F2RL1: variants seen among roughly 807,000 people sequenced by gnomAD.
F2RL1 encodes proteinase-activated receptor 2.
In F2RL1, 16 loss-of-function variants were observed where a neutral mutation model predicts 21.7. The observed-to-expected ratio is 0.74, with a 90% confidence interval of 0.50 to 1.12. The LOEUF is 1.12. F2RL1 is among the 50% of genes most tolerant of loss of function. F2RL1 has a pLI of 0.00. For synonymous variants in F2RL1, 181 were observed against 186.7 expected (o/e 0.97, Z 0.25); for missense variants, 432 against 477.8 (o/e 0.90, Z 0.89).
rs1183362931 is a variant in F2RL1, at chr5:76,825,978, A to G, written c.83-6712A>G. On this transcript the variant is annotated intron_variant, in intron 1 of 1. Coordinates refer to ENST00000296677, the MANE Select transcript of F2RL1 (RefSeq NM_005242.6). Reference sequence around the variant, plus strand: ...TATGTGAGCTTTCCTGACTTGGTACATGCTTATTTTTATGGAGAATTTTAA... The same window carrying G: ...TATGTGAGCTTTCCTGACTTGGTACGTGCTTATTTTTATGGAGAATTTTAA... Among the ~76,000 whole-genome samples the G allele has an allele frequency of 2.6e-5, 4 of 152,248 alleles. No homozygotes were observed. The East Asian group carries it at 7.7e-4, about 29-fold the overall frequency.
At chr5:76,828,407 A>G (rs1046950532) in intron 1 of F2RL1, among the ~76,000 whole-genome samples, 11 of 152,174 alleles carry the variant, frequency 7.2e-5, no homozygotes, top group African/African-American at 2.7e-4. Flanking sequence ...TTTCAAATAT[A>G]AACATAATGC....
At chr5:76,826,812 A>G (rs1474647360) in intron 1 of F2RL1, among the ~76,000 whole-genome samples, 1 of 151,846 alleles carries the variant, frequency 6.6e-6, no homozygotes, top group South Asian at 2.1e-4. Context: ...CATTGTATGG[A>G]TATACTGCTT....
At chr5:76,821,690 C>T (rs1750139558) in intron 1 of F2RL1, among the ~76,000 whole-genome samples, 1 of 151,108 alleles carries the variant, frequency 6.6e-6, no homozygotes, top group South Asian at 2.1e-4. Flanking sequence ...AGGAAGTCTC[C>T]TGCTGCAGCC....
chr5:76,829,356 C>A (rs1395484990), intron 1 of F2RL1, among the ~76,000 whole-genome samples: 1 of 151,542 alleles, frequency 6.6e-6, no homozygotes, highest in Non-Finnish European at 1.5e-5. Context: ...TTTGGCCTCT[C>A]AAAGTGCTGG....
At chr5:76,825,896 C>A (rs760228608) in intron 1 of F2RL1, among the ~76,000 whole-genome samples, 6 of 152,128 alleles carry the variant, frequency 3.9e-5, no homozygotes, top group Non-Finnish European at 8.8e-5. Context: ...CCATTCCTTG[C>A]TCCTTTTTTG....
intron 1 of F2RL1, among the ~76,000 whole-genome samples, chr5:76,822,754 GA>G (rs1205075199): frequency 2.0e-5 from 3 of 151,998 alleles, no homozygotes; most frequent in Admixed American, 2.0e-4. Context: ...CCCCACAATT[GA>G]AACCTTTATT....
rs183269116 is a variant in F2RL1, at chr5:76,825,199, G to A, written c.82+5935G>A. ...TTTTGTATTTTTTAGTAGAGATTGG[G>A]TTTCACCATGTTGGTCAGGATGGTC... is the stretch of plus-strand genomic sequence containing the variant. On this transcript the variant is annotated intron_variant, in intron 1 of 1. Coordinates refer to ENST00000296677, the MANE Select transcript of F2RL1 (RefSeq NM_005242.6). Among the ~76,000 whole-genome samples the A allele has an allele frequency of 2.0e-5, 3 of 151,890 alleles. No individual in the cohort carries two copies. The East Asian group carries it at 5.8e-4, about 29-fold the overall frequency.
At chr5:76,823,337 C>T (rs1208150299) in intron 1 of F2RL1, among the ~76,000 whole-genome samples, 1 of 150,026 alleles carries the variant, frequency 6.7e-6, no homozygotes, top group Non-Finnish European at 1.5e-5. Context: ...AATCTCAGCA[C>T]AACTTCTCGG....
In F2RL1 at chr5:76,831,834, A is replaced by C. The variant is rs576119333; in HGVS notation, c.83-856A>C. On this transcript the variant is annotated intron_variant, in intron 1 of 1. Coordinates refer to ENST00000296677, the MANE Select transcript of F2RL1 (RefSeq NM_005242.6). ...TGAGCCACCATGCCCAGCCAAACCA[A>C]ATTTTACTAATTGATAAATCAAAGG... Among the ~76,000 whole-genome samples, 4 of 152,044 alleles carry C rather than the reference A, an allele frequency of 2.6e-5. No homozygotes were observed. The South Asian group carries it at 8.3e-4, about 32-fold the overall frequency.
In F2RL1 at chr5:76,833,233, T is replaced by C. The variant is rs1345079084; in HGVS notation, c.626T>C (p.Leu209Ser). ...WLLILLVTIP[L>S]YVVKQTIFIP... ...CTGATTCTGCTGGTCACCATTCCTT[T>C]GTATGTCGTGAAGCAGACCATCTTC... Residue 209 changes from leucine to serine, a missense_variant, in exon 2 of 2, where the codon TTG (leucine) becomes TCG (serine). Physicochemically the swap from Leu to Ser is moderately radical, Grantham distance 145. Transcript: ENST00000296677. 6.2e-7 allele frequency: 1 copy of C among 1,613,826 alleles called. No individual in the cohort carries two copies. The highest frequency in any genetic ancestry group is 1.1e-5 in the South Asian group (1 of 91,064).
chr5:76,821,736 C>G (rs1005378525), intron 1 of F2RL1, among the ~76,000 whole-genome samples: 18 of 148,140 alleles, frequency 1.2e-4, no homozygotes, highest in Admixed American at 4.0e-4. Context: ...CGCACCACCA[C>G]CCCCAGCTAA....
intron 1 of F2RL1, among the ~76,000 whole-genome samples, chr5:76,820,977 GA>G (rs1750121725): frequency 6.6e-6 from 1 of 152,172 alleles, no homozygotes; most frequent in Non-Finnish European, 1.5e-5. Flanking sequence ...ATTTTAATAA[GA>G]AATACAGTGT....
intron 1 of F2RL1, among the ~76,000 whole-genome samples, chr5:76,827,325 CAAAAAAAAA>C (rs764040748): frequency 9.8e-4 from 86 of 87,566 alleles, no homozygotes; most frequent in Admixed American, 3.3e-3. Context: ...ACTAAAAATA[CAAAAAAAAA>C]AAAAAAAAAA....
intron 1 of F2RL1, among the ~76,000 whole-genome samples, chr5:76,821,935 A>G (rs568981265): frequency 1.3e-5 from 2 of 152,144 alleles, no homozygotes; most frequent in Non-Finnish European, 2.9e-5. Flanking sequence ...GGGAAAAATG[A>G]GCCAAAACAA....
At chr5:76,826,172 G>GT (rs547942685) in intron 1 of F2RL1, among the ~76,000 whole-genome samples, 36 of 146,906 alleles carry the variant, frequency 2.5e-4, no homozygotes, top group East Asian at 4.0e-4. Context: ...CCAAGCCTGT[G>GT]TTTTTTTTTT....
chr5:76,831,547 T>G (rs1750348207), intron 1 of F2RL1, among the ~76,000 whole-genome samples: 1 of 150,986 alleles, frequency 6.6e-6, no homozygotes, highest in East Asian at 1.9e-4. Flanking sequence ...TTTTTTTTTT[T>G]TTTTTTGACT....
intron 1 of F2RL1, among the ~76,000 whole-genome samples, chr5:76,820,237 C>T (rs1338881460): frequency 2.0e-5 from 3 of 152,176 alleles, no homozygotes; most frequent in Non-Finnish European, 4.4e-5. Flanking sequence ...TCGCTGTGGC[C>T]GTGGGGGATG....
chr5:76,821,061 C>T (rs1288592792), intron 1 of F2RL1, among the ~76,000 whole-genome samples: 1 of 152,182 alleles, frequency 6.6e-6, no homozygotes, highest in Non-Finnish European at 1.5e-5. Flanking sequence ...GCGTGCCCCT[C>T]AGGTGGCTGC....
At chr5:76,829,841 G>T (rs549735163) in intron 1 of F2RL1, among the ~76,000 whole-genome samples, 3 of 152,114 alleles carry the variant, frequency 2.0e-5, no homozygotes, top group Non-Finnish European at 4.4e-5. Context: ...TGTGGAATAT[G>T]GTTCTTAGGG....
Sources: allele counts gnomAD v4.1 joint callset (sites outside exome capture counted in the v4.1 genomes callset), GRCh38; gene constraint gnomAD v4.1.1; transcripts MANE v1.5; gene names NCBI Gene and HGNC (gene_info 2026-07-23, HGNC 2026-07-21).